TOP2A: variants seen among roughly 807,000 people sequenced by gnomAD.
TOP2A encodes DNA topoisomerase 2-alpha.
TOP2A carries 68 observed loss-of-function variants against 187.2 expected under a neutral mutation model. The ratio of observed to expected loss-of-function variants is 0.36; its 90% confidence interval spans 0.30 to 0.44. TOP2A has a LOEUF of 0.44. Among genes scored for constraint, TOP2A ranks in the 20% least tolerant of loss-of-function variants. TOP2A has a pLI of 1.00. For synonymous variants in TOP2A, 542 were observed against 593.2 expected (o/e 0.91, Z 1.25); for missense variants, 1,196 against 1,808.7 (o/e 0.66, Z 6.14).
rs922995708 is a variant in TOP2A, at chr17:40,404,946, C to T, written c.1954-63G>A. ...ATAGGCTAATAGGTTCCAAAATATC[C>T]TTCTACAAAGAACGAACAACAGAAA... On this transcript the variant is annotated intron_variant, in intron 16 of 34. Transcript: ENST00000423485. 6 of 985,694 alleles carry T rather than the reference C, an allele frequency of 6.1e-6. No homozygotes were observed. The African/African-American group carries it at 8.4e-5, about 14-fold the overall frequency. 61.1% of individuals were successfully genotyped at this position (985,694 alleles called of 1,614,324 possible).
chr17:40,392,397 A>C (rs2035036285), intron 30 of TOP2A, 56 bp from the exon 31 acceptor site: 1 of 1,530,834 alleles, frequency 6.5e-7, no homozygotes, highest in African/African-American at 1.4e-5. Flanking sequence ...GAAACAATTC[A>C]TAGGTTGACA....
rs11540720 is a variant in TOP2A, at chr17:40,389,572, C to A, written c.4543G>T (p.Ala1515Ser). 39,920 of 1,602,550 alleles carry A rather than the reference C, an allele frequency of 0.025. 663 individuals are homozygous for A. Among genetic ancestry groups the A allele is most frequent in the African/African-American group, 0.077 (5,736 of 74,824 alleles). Reference protein sequence around the residue: ...AVAPRAKSVRAKKPIKYLEES... With the variant: ...AVAPRAKSVRSKKPIKYLEES... ...TCCAGGTACTTTATAGGTTTCTTTGCCCGTACAGATTTTGCCCGAGGAGCC... is the reference window on the plus strand; with the variant it reads ...TCCAGGTACTTTATAGGTTTCTTTGACCGTACAGATTTTGCCCGAGGAGCC... The change falls in exon 35 of 35, where the codon GCA (alanine) becomes TCA (serine). Residue 1515 changes from alanine to serine, a missense_variant. By Grantham distance (99) the Ala-to-Ser change is moderately conservative. Around this residue, in one of 10 missense-constraint regions of TOP2A, gnomAD observed 374 missense variants for 403.3 expected, o/e 0.93. Transcript: ENST00000423485.
intron 12 of TOP2A, 88 bp downstream of exon 12, chr17:40,407,879 T>A: frequency 7.2e-7 from 1 of 1,392,208 alleles, no homozygotes; most frequent in Non-Finnish European, 9.8e-7. Context: ...AAATATATTT[T>A]AAAATGCCTA....
At chr17:40,416,182 C>T (rs2035388089) in intron 3 of TOP2A, 114 bp from the exon 4 acceptor site, 1 of 898,376 alleles carries the variant, frequency 1.1e-6, no homozygotes, top group South Asian at 1.5e-5. Flanking sequence ...GTGGCATTAA[C>T]AAGGTGTTAA....
chr17:40,391,266 GA>G, intron 33 of TOP2A: 1 of 403,466 alleles, frequency 2.5e-6, no homozygotes, highest in Non-Finnish European at 4.4e-6. Context: ...GAGAAGGAGG[GA>G]AAAGAGTAGA....
In TOP2A at chr17:40,416,474, A is replaced by G. The variant is rs1473138373; in HGVS notation, c.216T>C (p.Tyr72=). Residue 72 remains tyrosine, a synonymous_variant, in exon 3 of 35, where the codon TAT becomes TAC. Coordinates refer to ENST00000423485, the MANE Select transcript of TOP2A (RefSeq NM_001067.4). ...AACCAGGAACAAAAGTGACTTCCCT[A>G]TAGTTAATGCCAACATCTTCATCGT... The part of the protein sequence containing the change: ...WVYDEDVGIN[Y]REVTFVPGLY... The G allele has an allele frequency of 1.2e-6, 2 of 1,605,490 alleles. No homozygotes were observed. The highest frequency in any genetic ancestry group is 2.7e-5 in the African/African-American group (2 of 74,782).
chr17:40,412,698 T>G, intron 7 of TOP2A, 61 bp downstream of exon 7: 1 of 1,395,494 alleles, frequency 7.2e-7, no homozygotes, highest in Non-Finnish European at 1.0e-6. Context: ...AAAATTCAAT[T>G]TTGCACTTGA....
At chr17:40,414,073 C>T (rs147453298) in intron 4 of TOP2A, among the ~76,000 whole-genome samples, 1 of 152,148 alleles carries the variant, frequency 6.6e-6, no homozygotes, top group African/African-American at 2.4e-5. Flanking sequence ...AAAACCTTTT[C>T]CAACACCTGA....
intron 33 of TOP2A, among the ~76,000 whole-genome samples, chr17:40,390,673 G>C (rs2035012846): frequency 6.7e-6 from 1 of 149,128 alleles, no homozygotes; most frequent in African/African-American, 2.5e-5. Flanking sequence ...TCTCGCCCAG[G>C]CTGGAGTGCA....
chr17:40,416,707 T>C (rs1306087591), intron 2 of TOP2A, 33 bp downstream of exon 2: 1 of 1,598,564 alleles, frequency 6.3e-7, no homozygotes. Context: ...TTTCAACTAC[T>C]AGGTTAACTG....
At chr17:40,408,412 T>A in intron 11 of TOP2A, 80 bp downstream of exon 11, 4 of 1,390,880 alleles carry the variant, frequency 2.9e-6, no homozygotes, top group Non-Finnish European at 3.9e-6. Context: ...AAGGGAAAAA[T>A]AAATATCCGT....
intron 16 of TOP2A, among the ~76,000 whole-genome samples, chr17:40,406,155 C>A (rs1055504120): frequency 1.3e-5 from 2 of 152,168 alleles, no homozygotes; most frequent in Non-Finnish European, 2.9e-5. Context: ...CCTGCCTTGG[C>A]CTCCCAAAGT....
intron 10 of TOP2A, chr17:40,409,220 AGG>A: frequency 4.3e-6 from 1 of 234,066 alleles, no homozygotes. Context: ...AAAAAAAAAA[AGG>A]GTAGCCAGGC....
chr17:40,406,349 A>T, intron 16 of TOP2A, 35 bp downstream of exon 16: 4 of 1,489,520 alleles, frequency 2.7e-6, no homozygotes, highest in Non-Finnish European at 3.7e-6. Flanking sequence ...TGATTTCTAA[A>T]ATTAGAATGT....
At chr17:40,391,284 A>C (rs1359561994) in intron 33 of TOP2A, 1 of 463,864 alleles carries the variant, frequency 2.2e-6, no homozygotes, top group East Asian at 3.9e-5. Flanking sequence ...TAGAACAAGG[A>C]GTTTGATCTG....
In TOP2A at chr17:40,408,546, C is replaced by T. The variant is rs1176811906; in HGVS notation, c.1288G>A (p.Val430Ile). The T allele has an allele frequency of 1.7e-5, 27 of 1,613,758 alleles. No individual in the cohort carries two copies. The highest frequency in any genetic ancestry group is 1.7e-4 in the Middle Eastern group (1 of 6,060). Residue 430 changes from valine to isoleucine, a missense_variant, in exon 11 of 35, where the codon GTA becomes ATA. By Grantham distance (29) the Val-to-Ile change is conservative (BLOSUM62 3). Around this residue, in one of 10 missense-constraint regions of TOP2A, gnomAD observed 252 missense variants for 434.8 expected, o/e 0.58. Coordinates refer to ENST00000423485, the MANE Select transcript of TOP2A (RefSeq NM_001067.4). The stretch of plus-strand genomic sequence containing the variant: ...ATTCCCTTGATTCTATTATGTTTTA[C>T]AGCTGAACACTTCTTGTTTAACTGG... ...QVQLNKKCSAVKHNRIKGIPK... is the reference protein window; with the variant it reads ...QVQLNKKCSAIKHNRIKGIPK...
Position 40,398,589 on chromosome 17 carries a change from T to A in TOP2A, c.3506A>T (p.Glu1169Val). The change falls in exon 27 of 35, where the codon GAA becomes GTA. Residue 1169 changes from glutamate (E) to valine (V), a missense_variant. Around this residue, in one of 10 missense-constraint regions of TOP2A, gnomAD observed 4 missense variants for 22.6 expected, o/e 0.18. Transcript: ENST00000423485. ...TTCTTCAATAAATGTAGCCAAGTCT[T>A]CTTTCCACAAATCTGATGGACTCTT... is the stretch of plus-strand genomic sequence containing the variant. ...KRKSPSDLWK[E>V]DLATFIEELE... The A allele has an allele frequency of 1.9e-6, 3 of 1,589,816 alleles. No homozygotes were observed. Among genetic ancestry groups the A allele is most frequent in the Non-Finnish European group, 2.6e-6 (3 of 1,166,410 alleles).
At position 40,406,903 on chromosome 17, in the gene TOP2A, A is replaced by G. The variant is rs2035253452; in HGVS notation, c.1666T>C (p.Phe556Leu). 6.2e-7 allele frequency: 1 copy of G among 1,605,320 alleles called. No homozygotes were observed. Among genetic ancestry groups the G allele is most frequent in the Admixed American group, 1.7e-5 (1 of 58,506 alleles). The change falls in exon 14 of 35, where the codon TTT becomes CTT. Residue 556 changes from phenylalanine (F) to leucine (L), a missense_variant. Coordinates refer to ENST00000423485, the MANE Select transcript of TOP2A (RefSeq NM_001067.4). The stretch of plus-strand genomic sequence containing the variant: ...AGAGAGGGCCAGTTGTGATGGATAA[A>G]ATTAATCAGCAAGCCTTTGATGTGG... Reference protein sequence around the residue: ...GSHIKGLLINFIHHNWPSLLR... With the variant: ...GSHIKGLLINLIHHNWPSLLR...
In TOP2A at chr17:40,389,516, A is replaced by G. The variant is rs1371692519; in HGVS notation, c.*3T>C. 1.9e-6 allele frequency: 3 copies of G among 1,583,604 alleles called. No individual in the cohort carries two copies. In the South Asian group the frequency reaches 3.5e-5, roughly 18 times the overall value. ...TAATTACTTAAAATAATCGCCTCAC[A>G]TTTTAAAACAGATCATCTTCATCTG... On this transcript the variant is annotated 3_prime_UTR_variant, in exon 35 of 35. Transcript: ENST00000423485.
Sources: allele counts gnomAD v4.1 joint callset (sites outside exome capture counted in the v4.1 genomes callset), GRCh38; gene constraint gnomAD v4.1.1; regional missense constraint gnomAD v4.1.1; transcripts MANE v1.5; gene names NCBI Gene and HGNC (gene_info 2026-07-23, HGNC 2026-07-21).